The following NTRK1 variants were observed in gnomAD, a reference collection of about 807,000 sequenced individuals.
NTRK1 encodes the protein high affinity nerve growth factor receptor.
Under a neutral mutation model 86.8 loss-of-function variants are expected in NTRK1, and 62 were observed. That is an observed-to-expected ratio of 0.71 (90% CI 0.58 to 0.88). NTRK1 has a LOEUF of 0.88. Ranked by LOEUF, NTRK1 falls within the 40% of genes least tolerant of loss-of-function variation. The pLI, the probability that NTRK1 is intolerant of heterozygous loss-of-function variation, is 0.00. For missense variants in NTRK1, 967 were observed against 1,078.4 expected, an observed-to-expected ratio of 0.90 and a Z score of 1.45; for synonymous variants, 469 against 456.6, an observed-to-expected ratio of 1.03 and a Z score of -0.35.
At chr1:156,869,733 C>T (rs988076845) in intron 6 of NTRK1, among the ~76,000 whole-genome samples, 3 of 152,224 alleles carry the variant, frequency 2.0e-5, no homozygotes, top group Admixed American at 6.5e-5. Flanking sequence ...GACATCTTCC[C>T]AGGCCTTACC....
intron 2 of NTRK1, chr1:156,846,728 C>T (rs760632037): frequency 2.5e-6 from 4 of 1,614,070 alleles, no homozygotes; most frequent in Admixed American, 1.7e-5. Context: ...AGCATCTGGA[C>T]CCACGTGCTC....
At position 156,830,798 on chromosome 1, in the gene NTRK1, G is replaced by A. The variant is rs529525846; in HGVS notation, c.-63-11283G>A. 6.8e-4 allele frequency among the ~76,000 whole-genome samples: 103 copies of A among 152,136 alleles called. 1 individual carries two copies. Among genetic ancestry groups the A allele is most frequent in the Admixed American group, 5.0e-3 (76 of 15,282 alleles). ...TCGAACTCCTGACCTCAGGTGATCCGGCCACCTCGGCCTCCCAAAGTGCTG... is the reference window on the plus strand; with the variant it reads ...TCGAACTCCTGACCTCAGGTGATCCAGCCACCTCGGCCTCCCAAAGTGCTG... On this transcript the variant is annotated intron_variant, in intron 1 of 16. Coordinates refer to the NTRK1 transcript ENST00000392302.
intron 1 of NTRK1, among the ~76,000 whole-genome samples, chr1:156,826,183 G>A (rs1430328097): frequency 1.3e-5 from 2 of 151,710 alleles, no homozygotes; most frequent in Non-Finnish European, 2.9e-5. Context: ...TATTACTAGA[G>A]CAAAAGAGCT....
chr1:156,880,071 G>C lies in NTRK1; in HGVS notation c.2119G>C (p.Glu707Gln), dbSNP rs747855434. 9 of 1,613,406 alleles carry C rather than the reference G, an allele frequency of 5.6e-6. No homozygotes were observed. The highest frequency in any genetic ancestry group is 1.7e-5 in the Admixed American group (1 of 59,992). ...CATCCTGTACCGTAAGTTCACCACCGAGAGCGACGTGTGGAGCTTCGGCGT... is the reference window on the plus strand; with the variant it reads ...CATCCTGTACCGTAAGTTCACCACCCAGAGCGACGTGTGGAGCTTCGGCGT... ...ESILYRKFTTESDVWSFGVVL... is the reference protein window; with the variant it reads ...ESILYRKFTTQSDVWSFGVVL... The change falls in exon 16 of 17, where the codon GAG becomes CAG. Residue 707 changes from glutamate (E) to glutamine (Q), a missense_variant. By Grantham distance (29) the Glu-to-Gln change is conservative. This residue lies in a region of NTRK1 where 637 missense variants were observed against 776.5 expected (regional missense o/e 0.82). Transcript: ENST00000524377.
At chr1:156,834,863 A>C (rs1410378619) in intron 1 of NTRK1, among the ~76,000 whole-genome samples, 1 of 152,128 alleles carries the variant, frequency 6.6e-6, no homozygotes, top group African/African-American at 2.4e-5. Context: ...GTGGGAGCCC[A>C]GTGAGGAAGA....
chr1:156,868,020 C>T, intron 4 of NTRK1, 84 bp from the exon 5 acceptor site: 1 of 1,501,430 alleles, frequency 6.7e-7, no homozygotes, highest in African/African-American at 1.4e-5. Flanking sequence ...GACGGTCCTC[C>T]CTGCTGCCTA....
At chr1:156,843,697 G>A (rs975782092) in intron 2 of NTRK1, among the ~76,000 whole-genome samples, 2 of 152,264 alleles carry the variant, frequency 1.3e-5, no homozygotes, top group Admixed American at 6.5e-5. Context: ...CAGGAGTAAA[G>A]GGGCTTCCGC....
At chr1:156,871,384 C>T (rs758247556) in intron 6 of NTRK1, among the ~76,000 whole-genome samples, 16 of 151,964 alleles carry the variant, frequency 1.1e-4, no homozygotes, top group South Asian at 8.3e-4. Context: ...AAGACCCCGT[C>T]GCTACAAAAA....
In NTRK1 at chr1:156,866,996, C is replaced by T; in HGVS notation, c.428+18C>T. On this transcript the variant is annotated intron_variant, in intron 4 of 16. Transcript: ENST00000524377. ...CAGGAACTGTGAGTGGGGGCGCTTC[C>T]AGGGGCAAGAGCACCAAGTGTGTGT... The T allele has an allele frequency of 6.2e-7, 1 of 1,613,814 alleles. No individual in the cohort carries two copies. Among genetic ancestry groups the T allele is most frequent in the Non-Finnish European group, 8.5e-7 (1 of 1,179,662 alleles).
intron 1 of NTRK1, among the ~76,000 whole-genome samples, chr1:156,828,860 G>A (rs969545485): frequency 1.3e-5 from 2 of 152,248 alleles, no homozygotes; most frequent in Non-Finnish European, 2.9e-5. Context: ...CAGTGACTCA[G>A]TGCATTGCTT....
chr1:156,843,453 T>A lies in NTRK1; in HGVS notation c.50+1260T>A. 1 of 1,614,204 alleles carries A rather than the reference T, an allele frequency of 6.2e-7. No individual in the cohort carries two copies. Among genetic ancestry groups the A allele is most frequent in the Non-Finnish European group, 8.5e-7 (1 of 1,180,030 alleles). On this transcript the variant is annotated intron_variant, in intron 2 of 16. Transcript: ENST00000392302. ...ATCAGAGGCGCTGAAGTACTCTGGA[T>A]TCACAGAAGCATACAGGGTTCTGTT...
chr1:156,869,907 G>A (rs1647453510), intron 6 of NTRK1, among the ~76,000 whole-genome samples: 1 of 152,252 alleles, frequency 6.6e-6, no homozygotes, highest in African/African-American at 2.4e-5. Context: ...ATGTGTGCCT[G>A]GGGGGCTGGG....
upstream of NTRK1, among the ~76,000 whole-genome samples, chr1:156,859,588 C>A (rs1348022004): frequency 1.3e-5 from 2 of 152,156 alleles, no homozygotes; most frequent in African/African-American, 2.4e-5. The surrounding 1 kb of genome is among the most constrained non-coding windows in gnomAD (Gnocchi z 6.2). Context: ...CCCTTAGCGC[C>A]AGGCTCCGTC....
chr1:156,868,115 G>A lies in NTRK1; in HGVS notation c.440G>A (p.Gly147Glu), dbSNP rs1461607671. The A allele has an allele frequency of 6.2e-7, 1 of 1,613,902 alleles. No individual in the cohort carries two copies. The highest frequency in any genetic ancestry group is 1.7e-5 in the Admixed American group (1 of 60,034). ...CCCATGCCCCCCAGGGTCCTGTCGG[G>A]GAACCCTCTGCACTGTTCTTGTGCC... ...GLSLQELVLS[G>E]NPLHCSCALR... is the part of the protein sequence containing the mutation. Residue 147 changes from glycine (G) to glutamate (E), a missense_variant, in exon 5 of 17, where the codon GGG becomes GAG. Gly to Glu is a moderately conservative substitution (Grantham distance 98). This residue lies in a region of NTRK1 where 330 missense variants were observed against 302.0 expected (regional missense o/e 1.09). Transcript: ENST00000524377.
exon 2 of NTRK1, chr1:156,842,159 G>C (rs1307887055): frequency 1.2e-6 from 2 of 1,613,970 alleles, no homozygotes; most frequent in Non-Finnish European, 1.7e-6. Context: ...GTTGCGGGCT[G>C]CTAGATCTCG....
At chr1:156,851,016 T>C (rs1655186225) in intron 2 of NTRK1, among the ~76,000 whole-genome samples, 1 of 152,236 alleles carries the variant, frequency 6.6e-6, no homozygotes. Context: ...GTGACTGTAA[T>C]TTATATTGTA....
chr1:156,830,493 A>G (rs572183415), intron 1 of NTRK1, among the ~76,000 whole-genome samples: 28 of 150,894 alleles, frequency 1.9e-4, no homozygotes, highest in Non-Finnish European at 3.4e-4. Flanking sequence ...TCCAAGCTTC[A>G]GTTGCTGTCT....
chr1:156,873,868 G>A lies in NTRK1; in HGVS notation c.1086G>A (p.Leu362=), dbSNP rs1571696163. 6.2e-7 allele frequency: 1 copy of A among 1,601,792 alleles called. No individual in the cohort carries two copies. The highest frequency in any genetic ancestry group is 2.3e-5 in the East Asian group (1 of 44,206). Residue 362 remains leucine, a synonymous_variant, in exon 8 of 17, where the codon CTG becomes CTA. Transcript: ENST00000524377. ...TCAACAACGGCAACTACACGCTGCT[G>A]GCTGCCAACCCCTTCGGCCAGGCCT... ...THVNNGNYTL[L]AANPFGQASA...
intron 2 of NTRK1, among the ~76,000 whole-genome samples, chr1:156,849,863 C>G (rs1237182654): frequency 1.3e-5 from 2 of 151,752 alleles, no homozygotes; most frequent in African/African-American, 4.8e-5. Flanking sequence ...TGCAATGTGT[C>G]TGGAGACATG....
Sources: gnomAD v4.1 joint callset for allele counts (sites outside exome capture counted in the v4.1 genomes callset) on GRCh38, gnomAD v4.1.1 for gene constraint, gnomAD v4.1.1 regional missense constraint, Gnocchi (gnomAD v3.1) non-coding constraint, MANE v1.5 for transcripts, NCBI Gene and HGNC (gene_info 2026-07-23, HGNC 2026-07-21) for gene names.